Variants in TPR observed in about 807,000 individuals in gnomAD.
TPR encodes the protein nucleoprotein TPR.
In TPR, 51 loss-of-function variants were observed where a neutral mutation model predicts 316.1. The ratio of observed to expected loss-of-function variants is 0.16; its 90% confidence interval spans 0.13 to 0.20. The LOEUF (loss-of-function observed/expected upper bound fraction) is 0.20. Among genes scored for constraint, TPR ranks in the 10% least tolerant of loss-of-function variants. The probability of loss-of-function intolerance (pLI) is 1.00; values close to 1 mark genes in which losing one functional copy is unlikely to be tolerated. For synonymous variants in TPR, 981 were observed against 914.7 expected (o/e 1.07, Z -1.31); for missense variants, 2,272 against 2,754.8 (o/e 0.82, Z 3.92).
chr1:186,328,767 T>C (rs1441962960), intron 39 of TPR, among the ~76,000 whole-genome samples: 3 of 152,162 alleles, frequency 2.0e-5, no homozygotes, highest in Non-Finnish European at 2.9e-5. Flanking sequence ...AAAATAAATA[T>C]ATCAGATACT....
intron 4 of TPR, among the ~76,000 whole-genome samples, chr1:186,364,587 C>G (rs763310421): frequency 2.6e-5 from 4 of 151,958 alleles, no homozygotes; most frequent in Admixed American, 6.6e-5. Context: ...CAACTAAAAG[C>G]AAAAGGAAGG....
chr1:186,367,742 A>C (rs1022588495), intron 4 of TPR, 144 bp downstream of exon 4: 3 of 520,636 alleles, frequency 5.8e-6, no homozygotes, highest in Non-Finnish European at 1.0e-5. Context: ...ATAAATGAGT[A>C]GGAGAAATAA....
chr1:186,360,492 G>C, intron 10 of TPR, 128 bp from the exon 11 acceptor site: 2 of 1,037,350 alleles, frequency 1.9e-6, no homozygotes, highest in Non-Finnish European at 2.7e-6. Flanking sequence ...TTAAATACAT[G>C]ACATCAAAAA....
intron 17 of TPR, 47 bp downstream of exon 17, chr1:186,355,363 A>G (rs1388461206): frequency 6.4e-7 from 1 of 1,556,262 alleles, no homozygotes; most frequent in Non-Finnish European, 8.7e-7. Context: ...TTGAATTGTA[A>G]AGTATAACAT....
In TPR at chr1:186,347,468, A is replaced by C; in HGVS notation, c.2777-10T>G. 4 of 1,611,120 alleles carry C rather than the reference A, an allele frequency of 2.5e-6. No homozygotes were observed. The highest frequency in any genetic ancestry group is 3.4e-6 in the Non-Finnish European group (4 of 1,178,918). On this transcript the variant is annotated splice_polypyrimidine_tract_variant and intron_variant, in intron 21 of 50. Coordinates refer to ENST00000367478, the MANE Select transcript of TPR (RefSeq NM_003292.3). ...TTGTTGCTAGGCTGACCTAAAAGAC[A>C]TAACAGCTCTGTTAAAATTAACATT...
chr1:186,333,982 A>G (rs1263959149), intron 36 of TPR, among the ~76,000 whole-genome samples: 7 of 152,184 alleles, frequency 4.6e-5, no homozygotes, highest in Non-Finnish European at 1.0e-4. Flanking sequence ...AAAAGCATGT[A>G]TACCACAGAA....
chr1:186,335,519 T>G lies in TPR; in HGVS notation c.4730A>C (p.Glu1577Ala). Residue 1577 changes from glutamate (E) to alanine (A), a missense_variant, in exon 34 of 51, where the codon GAA becomes GCA. Glu to Ala is a moderately radical substitution (Grantham distance 107). Around this residue, in one of 10 missense-constraint regions of TPR, gnomAD observed 109 missense variants for 215.3 expected, o/e 0.51. Transcript: ENST00000367478. ...LAGVKDQLTK[E>A]NEELKQRNGA... is the part of the protein sequence containing the mutation. ...ATTCCTTTGTTTAAGCTCCTCATTT[T>G]CTTTAGTTAGCTGATCTTTTACACC... 6.2e-7 allele frequency: 1 copy of G among 1,606,056 alleles called. No homozygotes were observed. Among genetic ancestry groups the G allele is most frequent in the Non-Finnish European group, 8.5e-7 (1 of 1,177,066 alleles).
At chr1:186,360,490 A>G in intron 10 of TPR, 126 bp from the exon 11 acceptor site, 1 of 1,047,514 alleles carries the variant, frequency 9.5e-7, no homozygotes, top group Non-Finnish European at 1.4e-6. Context: ...TTTTAAATAC[A>G]TGACATCAAA....
In TPR at chr1:186,375,119, C is replaced by T; in HGVS notation, c.-91G>A. 1 of 1,565,970 alleles carries T rather than the reference C, an allele frequency of 6.4e-7. No homozygotes were observed. The stretch of plus-strand genomic sequence containing the variant: ...ACCAGCAGGACCCAGACGCCTGGGC[C>T]GCCGCCTCTATCACCTCGCTCGGTG... On this transcript the variant is annotated 5_prime_UTR_variant, in exon 1 of 51. Transcript: ENST00000367478.
intron 33 of TPR, among the ~76,000 whole-genome samples, chr1:186,335,840 T>C (rs1571612933): frequency 6.6e-6 from 1 of 152,126 alleles, no homozygotes; most frequent in Non-Finnish European, 1.5e-5. Context: ...ATCATGCAAT[T>C]CATTACTATG....
At chr1:186,334,219 G>T (rs956968229) in intron 36 of TPR, 106 bp downstream of exon 36, 1 of 1,155,026 alleles carries the variant, frequency 8.7e-7, no homozygotes, top group South Asian at 2.0e-5. Flanking sequence ...TTACAATGAC[G>T]TGACTTCAGC....
At chr1:186,355,357 A>C in intron 17 of TPR, 53 bp downstream of exon 17, 1 of 1,545,674 alleles carries the variant, frequency 6.5e-7, no homozygotes. Context: ...AATGATTTGA[A>C]TTGTAAAGTA....
At chr1:186,366,354 TTAACA>T (rs1248784543) in intron 4 of TPR, among the ~76,000 whole-genome samples, 4 of 152,220 alleles carry the variant, frequency 2.6e-5, no homozygotes, top group Non-Finnish European at 5.9e-5. Context: ...TATGATTTTC[TTAACA>T]TTTTTTTCTC....
chr1:186,362,873 T>C lies in TPR; in HGVS notation c.660A>G (p.Leu220=), dbSNP rs1234095799. The change falls in exon 6 of 51, where the codon CTA becomes CTG. Residue 220 remains leucine, a synonymous_variant. Transcript: ENST00000367478. ...TATTTTCAAGATTACATTTAAGCTC[T>C]AGAATCTCATTCCCTTTTTCTCTTC... The part of the protein sequence containing the change: ...ALGREKGNEI[L]ELKCNLENKK... 1 of 1,605,114 alleles carries C rather than the reference T, an allele frequency of 6.2e-7. No individual in the cohort carries two copies. Among genetic ancestry groups the C allele is most frequent in the African/African-American group, 1.3e-5 (1 of 74,232 alleles).
chr1:186,343,507 A>C, intron 26 of TPR, 34 bp from the exon 27 acceptor site: 1 of 1,584,626 alleles, frequency 6.3e-7, no homozygotes, highest in South Asian at 1.2e-5. Flanking sequence ...TTTTATGTGA[A>C]TTTTAAAAAG....
In TPR at chr1:186,312,143, C is replaced by T. The variant is rs1486428384; in HGVS notation, c.*1828G>A. 6.3e-6 allele frequency: 10 copies of T among 1,593,754 alleles called. No individual in the cohort carries two copies. Among genetic ancestry groups the T allele is most frequent in the Non-Finnish European group, 8.6e-6 (10 of 1,162,278 alleles). ...TTCTGAGGGTATTAAAATTAATTTT[C>T]ATTTTCCATGTGATATTCTAATACA... On this transcript the variant is annotated 3_prime_UTR_variant, in exon 51 of 51. Coordinates refer to ENST00000367478, the MANE Select transcript of TPR (RefSeq NM_003292.3).
chr1:186,315,787 CCA>C (rs1164475971), intron 49 of TPR, among the ~76,000 whole-genome samples: 1 of 150,654 alleles, frequency 6.6e-6, no homozygotes, highest in East Asian at 2.0e-4. Flanking sequence ...TGTGCTCCAG[CCA>C]CAGTGGCCTC....
Position 186,341,130 on chromosome 1 carries a change from G to A in TPR, c.3918C>T (p.Pro1306=). The change falls in exon 29 of 51, where the codon CCC becomes CCT. Residue 1306 remains proline, a synonymous_variant. Coordinates refer to ENST00000367478, the MANE Select transcript of TPR (RefSeq NM_003292.3). ...TCAGCTCAGCATTTGCTTCTTGTAAGGGTAAAATATCTAACTCCAGTTTCC... is the reference window on the plus strand; with the variant it reads ...TCAGCTCAGCATTTGCTTCTTGTAAAGGTAAAATATCTAACTCCAGTTTCC... ...KVRKLELDIL[P]LQEANAELSE... is the part of the protein sequence containing the mutation. The A allele has an allele frequency of 6.2e-7, 1 of 1,614,024 alleles. No homozygotes were observed. The highest frequency in any genetic ancestry group is 8.5e-7 in the Non-Finnish European group (1 of 1,180,004).
Position 186,341,360 on chromosome 1 carries a change from T to C in TPR, c.3780A>G (p.Glu1260=), listed in dbSNP as rs764401293. The C allele has an allele frequency of 6.2e-7, 1 of 1,613,460 alleles. No individual in the cohort carries two copies. The highest frequency in any genetic ancestry group is 8.5e-7 in the Non-Finnish European group (1 of 1,179,954). The change falls in exon 28 of 51, where the codon GAA becomes GAG. Residue 1260 remains glutamate (E), a synonymous_variant. Transcript: ENST00000367478. ...QVTAKTMAQH[E]ELMKKTETMN... ...TTGTTTCAGTTTTCTTCATCAGTTCTTCATGCTGAGCCATTGTTTTTGCAG... is the reference window on the plus strand; with the variant it reads ...TTGTTTCAGTTTTCTTCATCAGTTCCTCATGCTGAGCCATTGTTTTTGCAG...
Sources: allele counts gnomAD v4.1 joint callset (sites outside exome capture counted in the v4.1 genomes callset), GRCh38; gene constraint gnomAD v4.1.1; regional missense constraint gnomAD v4.1.1; transcripts MANE v1.5; gene names NCBI Gene and HGNC (gene_info 2026-07-23, HGNC 2026-07-21).